Variants in OOSP3 observed in about 807,000 individuals in gnomAD.
The protein encoded by OOSP3 is oocyte-secreted protein 3.
chr11:59,895,173 T>C (rs552014849), intron 3 of OOSP3, among the ~76,000 whole-genome samples: 1 of 152,304 alleles, frequency 6.6e-6, no homozygotes, highest in African/African-American at 2.4e-5. Flanking sequence ...AATGACAACT[T>C]TTAAAACAGC....
chr11:59,889,589 C>A (rs1853292096), intron 2 of OOSP3, among the ~76,000 whole-genome samples: 4 of 152,098 alleles, frequency 2.6e-5, no homozygotes, highest in Non-Finnish European at 4.4e-5. Context: ...GTTCAATTTC[C>A]ATGTAATTGT....
At chr11:59,882,078 G>A (rs1853206942) in intron 2 of OOSP3, among the ~76,000 whole-genome samples, 1 of 151,946 alleles carries the variant, frequency 6.6e-6, no homozygotes, top group Non-Finnish European at 1.5e-5. Context: ...ATATTTCAAA[G>A]TATGACTTAT....
chr11:59,881,665 G>T (rs1469290653), intron 2 of OOSP3, among the ~76,000 whole-genome samples: 3 of 152,128 alleles, frequency 2.0e-5, no homozygotes, highest in African/African-American at 7.2e-5. Context: ...ATCACCTGAG[G>T]TCAAGAGTTT....
chr11:59,879,536 C>T (rs1007932503), intron 1 of OOSP3, among the ~76,000 whole-genome samples: 2 of 151,242 alleles, frequency 1.3e-5, no homozygotes, highest in Admixed American at 6.6e-5. Context: ...CATGAAAATA[C>T]AGTGATGAAT....
At chr11:59,880,412 T>C in exon 2 of OOSP3, 1 of 398,570 alleles carries the variant, frequency 2.5e-6, no homozygotes, top group East Asian at 3.6e-5. Flanking sequence ...TTAATTACCC[T>C]GCCACTCAGT....
chr11:59,891,297 A>G (rs927945623), intron 2 of OOSP3, among the ~76,000 whole-genome samples: 1 of 152,180 alleles, frequency 6.6e-6, no homozygotes, highest in African/African-American at 2.4e-5. Context: ...TCTCAGATTC[A>G]GCCCAGTTCT....
chr11:59,889,697 T>A (rs1047766751), intron 2 of OOSP3, among the ~76,000 whole-genome samples: 2 of 151,648 alleles, frequency 1.3e-5, no homozygotes, highest in African/African-American at 4.8e-5. Flanking sequence ...TGCTGAGGAG[T>A]GTTTTACTTT....
intron 3 of OOSP3, among the ~76,000 whole-genome samples, chr11:59,895,285 CT>C (rs763923971): frequency 0.014 from 1,677 of 121,762 alleles, 18 homozygotes; most frequent in African/African-American, 0.039. Context: ...TATGGTAGGA[CT>C]TTTTTTTTTT....
intron 2 of OOSP3, among the ~76,000 whole-genome samples, chr11:59,893,583 T>A (rs1236668164): frequency 6.6e-6 from 1 of 152,156 alleles, no homozygotes; most frequent in African/African-American, 2.4e-5. Flanking sequence ...TCTCCTGAGC[T>A]CAAGCGATCC....
At chr11:59,894,003 TCTGTTCA>T in intron 2 of OOSP3, 69 bp from the exon 3 acceptor site, 1 of 397,378 alleles carries the variant, frequency 2.5e-6, no homozygotes, top group Middle Eastern at 6.3e-4. Flanking sequence ...CTTATCTTGA[TCTGTTCA>T]CTGTTCAAAT....
chr11:59,882,443 G>A (rs1197986491), intron 2 of OOSP3, among the ~76,000 whole-genome samples: 5 of 151,890 alleles, frequency 3.3e-5, no homozygotes, highest in Non-Finnish European at 7.4e-5. Flanking sequence ...ATATTCACAT[G>A]AGTATTTTGA....
At chr11:59,878,847 G>A (rs2134523206) in exon 1 of OOSP3, 1 of 398,468 alleles carries the variant, frequency 2.5e-6, no homozygotes, top group African/African-American at 2.1e-5. Flanking sequence ...CTTTCCTTTT[G>A]TGCACGATTT....
chr11:59,881,189 T>C (rs1400208648), intron 2 of OOSP3, among the ~76,000 whole-genome samples: 1 of 151,650 alleles, frequency 6.6e-6, no homozygotes, highest in Non-Finnish European at 1.5e-5. Flanking sequence ...TGAAATGCTG[T>C]CTCTACTAAA....
At position 59,895,662 on chromosome 11, in the gene OOSP3, C is replaced by A. The variant is rs1853349661; in HGVS notation, c.501+10C>A. 5.0e-6 allele frequency: 2 copies of A among 398,276 alleles called. No homozygotes were observed. The highest frequency in any genetic ancestry group is 8.9e-6 in the Non-Finnish European group (2 of 225,888). 24.7% of individuals were successfully genotyped at this position (398,276 alleles called of 1,614,324 possible). On this transcript the variant is annotated intron_variant, in intron 4 of 4. Coordinates refer to ENST00000646438, the Ensembl canonical transcript of OOSP3. Reference sequence around the variant, plus strand: ...TTTTCAAAACTCCTCGGTGAGGATCCTTAGAAGAGACAAAACATGGCAGTG... The same window carrying A: ...TTTTCAAAACTCCTCGGTGAGGATCATTAGAAGAGACAAAACATGGCAGTG...
chr11:59,894,231 G>A (rs902306984), intron 3 of OOSP3, 55 bp downstream of exon 3: 2 of 397,938 alleles, frequency 5.0e-6, no homozygotes, highest in African/African-American at 4.1e-5. Flanking sequence ...CTAATGAAAA[G>A]GAAAACATTT....
chr11:59,883,010 C>T (rs1853218307), intron 2 of OOSP3, among the ~76,000 whole-genome samples: 1 of 151,978 alleles, frequency 6.6e-6, no homozygotes, highest in Non-Finnish European at 1.5e-5. Flanking sequence ...ACTGCTGTAC[C>T]TTTGTGTACA....
intron 2 of OOSP3, among the ~76,000 whole-genome samples, chr11:59,883,189 C>CA (rs1244470058): frequency 5.3e-5 from 8 of 152,132 alleles, no homozygotes; most frequent in African/African-American, 1.9e-4. Flanking sequence ...GTCTAGCAAT[C>CA]AAAGTTAATA....
At chr11:59,880,483 T>G in intron 2 of OOSP3, 44 bp downstream of exon 2, 1 of 398,350 alleles carries the variant, frequency 2.5e-6, no homozygotes. Flanking sequence ...ACCCCTAGGT[T>G]GTACCTTGCA....
chr11:59,887,732 A>T (rs1853276180), intron 2 of OOSP3, among the ~76,000 whole-genome samples: 1 of 152,194 alleles, frequency 6.6e-6, no homozygotes, highest in African/African-American at 2.4e-5. Flanking sequence ...TTGTAGCATG[A>T]TGCCTCCAGC....
Sources: allele counts gnomAD v4.1 joint callset (sites outside exome capture counted in the v4.1 genomes callset), GRCh38; gene constraint gnomAD v4.1.1; transcripts MANE v1.5; gene names NCBI Gene and HGNC (gene_info 2026-07-23, HGNC 2026-07-21).